CDKL5: variants seen among roughly 807,000 people sequenced by gnomAD.
CDKL5 encodes cyclin dependent kinase like 5.
A neutral mutation model predicts 61.7 loss-of-function variants in CDKL5; 8 were observed. That is an observed-to-expected ratio of 0.13 (90% CI 0.08 to 0.23). The LOEUF is 0.23. Among genes scored for constraint, CDKL5 ranks in the 10% least tolerant of loss-of-function variants. The pLI is 1.00. For missense variants in CDKL5, 440 were observed against 734.5 expected (o/e 0.60, Z 4.63); for synonymous variants, 275 against 272.3 (o/e 1.01, Z -0.10).
chrX:18,431,175 T>G (rs1278880463), intron 1 of CDKL5, among the ~76,000 whole-genome samples: 1 of 111,695 alleles, frequency 9.0e-6, no homozygotes, highest in African/African-American at 3.2e-5. Flanking sequence ...GATTTTTTTT[T>G]AAAACAAGAC....
At chrX:18,549,906 G>A (rs747265591) in intron 3 of CDKL5, among the ~76,000 whole-genome samples, 1 of 111,526 alleles carries the variant, frequency 9.0e-6, no homozygotes, top group African/African-American at 3.3e-5. Context: ...AGAAAATGTA[G>A]CATGCTGTGG....
chrX:18,481,386 A>C (rs1409605345), intron 1 of CDKL5, among the ~76,000 whole-genome samples: 1 of 92,949 alleles, frequency 1.1e-5, no homozygotes, highest in African/African-American at 4.4e-5. Context: ...GCAGGGCGTC[A>C]CTCTCACCCA....
chrX:18,470,818 A>C (rs1921067638), intron 1 of CDKL5, among the ~76,000 whole-genome samples: 1 of 112,013 alleles, frequency 8.9e-6, no homozygotes, highest in Non-Finnish European at 1.9e-5. Context: ...AGTTCTGTGG[A>C]AGGCTGTTTC....
chrX:18,617,752 A>G (rs767270758), intron 15 of CDKL5, among the ~76,000 whole-genome samples: 1 of 112,076 alleles, frequency 8.9e-6, no homozygotes, highest in African/African-American at 3.2e-5. Context: ...TTCACCCACC[A>G]GTTCAAGGGT....
intron 1 of CDKL5, among the ~76,000 whole-genome samples, chrX:18,432,494 G>A (rs763178051): frequency 4.5e-4 from 50 of 110,485 alleles, no homozygotes; most frequent in African/African-American, 1.5e-3. Flanking sequence ...TGCCCGCTTC[G>A]GCCTCCTAAA....
chrX:18,483,564 C>G (rs1347610328), intron 1 of CDKL5, among the ~76,000 whole-genome samples: 12 of 109,997 alleles, frequency 1.1e-4, no homozygotes, highest in African/African-American at 4.0e-4. Context: ...TTACAGGCAC[C>G]CAACACCACA....
chrX:18,613,312 T>A (rs1348588528), intron 15 of CDKL5, 37 bp downstream of exon 15: 1 of 1,151,703 alleles, frequency 8.7e-7, no homozygotes, highest in Non-Finnish European at 1.2e-6. Flanking sequence ...TTCCTTTTTT[T>A]AATTGTAGAT....
intron 1 of CDKL5, among the ~76,000 whole-genome samples, chrX:18,453,304 T>G (rs1286542772): frequency 8.9e-6 from 1 of 112,099 alleles, no homozygotes; most frequent in African/African-American, 3.2e-5. Flanking sequence ...TTTGTACAGT[T>G]CATTTGGTCA....
At position 18,630,880 on chromosome X, in the gene CDKL5, C is replaced by A; in HGVS notation, c.*2123C>A. 1 of 750,115 alleles carries A rather than the reference C, an allele frequency of 1.3e-6. No individual in the cohort carries two copies. The highest frequency in any genetic ancestry group is 9.1e-5 in the Admixed American group (1 of 10,970). 61.8% of individuals were successfully genotyped at this position (750,115 alleles called of 1,213,427 possible). A position where few individuals can be genotyped will look rare whatever the true frequency, so the allele number is the denominator to read the frequency against. ...GCTTGATGATACAAATGAGGTGGAC[C>A]ATCAGCAGTTTTGCCTGGACACTAA... On this transcript the variant is annotated 3_prime_UTR_variant, in exon 18 of 18. Coordinates refer to ENST00000623535, the MANE Select transcript of CDKL5 (RefSeq NM_001323289.2).
At position 18,613,270 on chromosome X, in the gene CDKL5, T is replaced by C. The variant is rs779674798; in HGVS notation, c.2271T>C (p.Asp757=). 9.2e-6 allele frequency: 11 copies of C among 1,197,441 alleles called. No homozygotes were observed. Among genetic ancestry groups the C allele is most frequent in the Middle Eastern group, 4.7e-4 (2 of 4,269 alleles). ...ACTCAAAAAGACAACCAGCATTCGATCCATGGTGAGCATTTTGGTTTGTTT... is the reference window on the plus strand; with the variant it reads ...ACTCAAAAAGACAACCAGCATTCGACCCATGGTGAGCATTTTGGTTTGTTT... ...TNHSKRQPAF[D]PWKSPENISH... Residue 757 remains aspartate (D), a synonymous_variant, in exon 15 of 18, where the codon GAT becomes GAC. Transcript: ENST00000623535.
rs786204958 is a variant in CDKL5 at position 18,587,972 on chromosome X, C to G, written c.573C>G (p.Ser191=). 1.7e-6 allele frequency: 2 copies of G among 1,208,497 alleles called. No homozygotes were observed. The highest frequency in any genetic ancestry group is 3.5e-5 in the African/African-American group (2 of 57,113). The change falls in exon 9 of 18, where the codon TCC becomes TCG. Residue 191 remains serine, a synonymous_variant. Transcript: ENST00000623535. ...TTTTCAGCGCTCCCTATGGAAAGTCCGTGGACATGTGGTCGGTGGGCTGTA... is the reference window on the plus strand; with the variant it reads ...TTTTCAGCGCTCCCTATGGAAAGTCGGTGGACATGTGGTCGGTGGGCTGTA... ...ELLLGAPYGK[S]VDMWSVGCIL...
chrX:18,458,552 C>G (rs910195555), intron 1 of CDKL5, among the ~76,000 whole-genome samples: 2 of 111,115 alleles, frequency 1.8e-5, no homozygotes, highest in South Asian at 3.8e-4. Context: ...CCCCCCCACC[C>G]CAAAATCAGC....
intron 3 of CDKL5, among the ~76,000 whole-genome samples, chrX:18,513,896 G>A (rs147681603): frequency 2.3e-4 from 26 of 111,749 alleles, no homozygotes; most frequent in African/African-American, 7.8e-4. Context: ...CTTCCCGATT[G>A]TACTTATGTA....
At chrX:18,626,956 C>A (rs1003309067) in intron 17 of CDKL5, 3 of 109,161 alleles carry the variant, frequency 2.7e-5, no homozygotes, top group African/African-American at 1.0e-4. Context: ...CGCCTTGTTG[C>A]CCAGGCTAGA....
chrX:18,634,635 C>T lies in CDKL5; in HGVS notation c.*5878C>T. The T allele has an allele frequency of 2.7e-6, 2 of 753,974 alleles. No individual in the cohort carries two copies. The highest frequency in any genetic ancestry group is 3.1e-6 in the Non-Finnish European group (2 of 639,176). The allele number at this position is 753,974 out of a possible 1,213,427, so 62.1% of individuals were successfully genotyped here. ...TGATTCTGGCCCTCAGTCTGTTTCC[C>T]TCCCCTTGTTTACTCTTTGGTCACC... is the stretch of plus-strand genomic sequence containing the variant. On this transcript the variant is annotated 3_prime_UTR_variant, in exon 18 of 18. Transcript: ENST00000623535.
At chrX:18,489,402 C>T (rs1428238594) in intron 1 of CDKL5, among the ~76,000 whole-genome samples, 1 of 110,178 alleles carries the variant, frequency 9.1e-6, no homozygotes, top group Non-Finnish European at 1.9e-5. Flanking sequence ...CTCAAGTGAT[C>T]CTCCCGCCTC....
intron 1 of CDKL5, among the ~76,000 whole-genome samples, chrX:18,505,676 G>A (rs1174923578): frequency 3.6e-5 from 4 of 112,289 alleles, no homozygotes; most frequent in Non-Finnish European, 7.5e-5. Flanking sequence ...CACAGAAGTG[G>A]TGATGTGATA....
chrX:18,586,791 A>T (rs1465812978), intron 8 of CDKL5, among the ~76,000 whole-genome samples: 1 of 111,800 alleles, frequency 8.9e-6, no homozygotes, highest in Non-Finnish European at 1.9e-5. Flanking sequence ...AAAATTTTCC[A>T]TAAGTTTCTC....
intron 4 of CDKL5, among the ~76,000 whole-genome samples, chrX:18,572,289 CAT>C (rs960460586): frequency 4.5e-5 from 5 of 111,688 alleles, no homozygotes; most frequent in African/African-American, 1.6e-4. Context: ...CTACTAAAAC[CAT>C]CCTGATGCAG....
Sources: allele counts gnomAD v4.1 joint callset (sites outside exome capture counted in the v4.1 genomes callset), GRCh38; gene constraint gnomAD v4.1.1; transcripts MANE v1.5; gene names NCBI Gene and HGNC (gene_info 2026-07-23, HGNC 2026-07-21).